Variants in KLF12 observed in about 807,000 individuals in gnomAD.
KLF12 encodes Krueppel-like factor 12.
KLF12 carries 9 observed loss-of-function variants against 37.8 expected under a neutral mutation model. That is an observed-to-expected ratio of 0.24 (90% CI 0.14 to 0.42). The LOEUF (loss-of-function observed/expected upper bound fraction) is 0.42, where lower values mean the gene tolerates loss of function less well. Among genes scored for constraint, KLF12 ranks in the 10% least tolerant of loss-of-function variants. The pLI, the probability that KLF12 is intolerant of heterozygous loss-of-function variation, is 1.00. For missense variants in KLF12, 411 were observed against 516.0 expected (o/e 0.80, Z 1.97); for synonymous variants, 208 against 202.1 (o/e 1.03, Z -0.25).
chr13:74,017,572 C>T (rs1327899306), intron 1 of KLF12, among the ~76,000 whole-genome samples: 2 of 139,814 alleles, frequency 1.4e-5, no homozygotes, highest in African/African-American at 5.3e-5. Context: ...CCCCACCCCC[C>T]AAAAAAAAAC....
chr13:74,271,275 G>A, the KLF12 span, among the ~76,000 whole-genome samples: 78 of 152,246 alleles, frequency 5.1e-4, no homozygotes, highest in African/African-American at 1.5e-3. Flanking sequence ...TGCTAAATTA[G>A]AATAACTTTC....
At chr13:74,289,402 A>G in the KLF12 span, among the ~76,000 whole-genome samples, 1 of 152,232 alleles carries the variant, frequency 6.6e-6, no homozygotes, top group Non-Finnish European at 1.5e-5. Context: ...CTTTAAGGAC[A>G]TGCAATAGTG....
intron 1 of KLF12, among the ~76,000 whole-genome samples, chr13:74,130,049 A>C (rs989416470): frequency 1.3e-5 from 2 of 152,226 alleles, no homozygotes; most frequent in African/African-American, 2.4e-5. Context: ...ACAGAGCCTA[A>C]GACTGTTGAC....
At chr13:73,788,258 T>A (rs1881472591) in intron 5 of KLF12, among the ~76,000 whole-genome samples, 2 of 152,228 alleles carry the variant, frequency 1.3e-5, no homozygotes. Flanking sequence ...GGAATTCACA[T>A]AAGTTTATTT....
the KLF12 span, among the ~76,000 whole-genome samples, chr13:74,143,533 G>A: frequency 2.0e-5 from 3 of 152,058 alleles, no homozygotes; most frequent in East Asian, 1.9e-4. Flanking sequence ...TTTAATCTTC[G>A]TGGAATCCTA....
the KLF12 span, among the ~76,000 whole-genome samples, chr13:74,290,507 A>G: frequency 2.0e-5 from 3 of 152,224 alleles, no homozygotes; most frequent in Non-Finnish European, 2.9e-5. Context: ...GTTAATTTGA[A>G]TAAGGCTGCT....
rs1879645688 is a variant in KLF12 at position 73,762,685 on chromosome 13, C to T, written c.869+2253G>A. On this transcript the variant is annotated intron_variant, in intron 6 of 7. Coordinates refer to ENST00000377669, the MANE Select transcript of KLF12 (RefSeq NM_007249.5). ...TTGACATGTAATCCTACAAATTACC[C>T]AGTTGATAGATGGGGGACAGCAACT... 3.3e-5 allele frequency among the ~76,000 whole-genome samples: 5 copies of T among 152,234 alleles called. No homozygotes were observed. The South Asian group carries it at 1.0e-3, about 32-fold the overall frequency.
upstream of KLF12, among the ~76,000 whole-genome samples, chr13:74,135,095 G>A (rs1432026259): frequency 6.6e-6 from 1 of 151,528 alleles, no homozygotes; most frequent in Non-Finnish European, 1.5e-5. Context: ...GCAGGCAGGG[G>A]AGTCATTGTT....
chr13:74,238,440 T>G, the KLF12 span, among the ~76,000 whole-genome samples: 3 of 138,890 alleles, frequency 2.2e-5, 1 homozygote, highest in African/African-American at 1.0e-4. Context: ...GGTATCAGCA[T>G]GATGCTGGCC....
intron 1 of KLF12, among the ~76,000 whole-genome samples, chr13:74,022,587 C>T (rs367957854): frequency 6.7e-4 from 99 of 147,632 alleles, no homozygotes; most frequent in African/African-American, 2.4e-3. Flanking sequence ...CTTTCATTCT[C>T]ATTTCCTTCA....
chr13:74,196,766 T>A, the KLF12 span, among the ~76,000 whole-genome samples: 1 of 152,186 alleles, frequency 6.6e-6, no homozygotes, highest in East Asian at 1.9e-4. Context: ...AGTTATACAA[T>A]GTGAATGTGC....
Position 73,758,843 on chromosome 13 carries a change from AT to A in KLF12, c.869+6094del, listed in dbSNP as rs1478071100. ...CAGCAGGAATATAGAAACTACTTTTATCATGAATCTCTCTTGCTGAAATTCT... is the reference window on the plus strand; with the variant it reads ...CAGCAGGAATATAGAAACTACTTTTACATGAATCTCTCTTGCTGAAATTCT... On this transcript the variant is annotated intron_variant, in intron 6 of 7. Coordinates refer to ENST00000377669, the MANE Select transcript of KLF12 (RefSeq NM_007249.5). Among the ~76,000 whole-genome samples the A allele has an allele frequency of 2.6e-5, 4 of 152,168 alleles. No individual in the cohort carries two copies. The South Asian group carries it at 8.3e-4, about 31-fold the overall frequency.
chr13:73,830,159 A>G (rs1258717119), intron 4 of KLF12, among the ~76,000 whole-genome samples: 1 of 152,218 alleles, frequency 6.6e-6, no homozygotes, highest in Non-Finnish European at 1.5e-5. Flanking sequence ...AGATTATACC[A>G]ATGGGCACAA....
the KLF12 span, among the ~76,000 whole-genome samples, chr13:74,142,169 A>C: frequency 1.7e-4 from 26 of 152,340 alleles, no homozygotes; most frequent in African/African-American, 6.0e-4. Flanking sequence ...CTAAGGCAAA[A>C]TGTGAATCAC....
the KLF12 span, among the ~76,000 whole-genome samples, chr13:74,298,741 G>A: frequency 4.6e-5 from 7 of 152,094 alleles, no homozygotes; most frequent in Middle Eastern, 3.4e-3. Context: ...TTAAAAATAC[G>A]GAAACATGGG....
intron 5 of KLF12, among the ~76,000 whole-genome samples, chr13:73,770,979 T>C (rs1211873728): frequency 3.3e-5 from 5 of 152,156 alleles, no homozygotes; most frequent in Admixed American, 6.5e-5. Flanking sequence ...AAAAAGAGCA[T>C]TTGGTGTGCA....
At chr13:73,993,132 C>T (rs1280993794) in intron 2 of KLF12, among the ~76,000 whole-genome samples, 1 of 152,162 alleles carries the variant, frequency 6.6e-6, no homozygotes, top group Non-Finnish European at 1.5e-5. Context: ...ACTTGGGAAG[C>T]TGAGGCAGGA....
At chr13:74,057,439 T>C (rs1023820730) in intron 1 of KLF12, among the ~76,000 whole-genome samples, 3 of 152,200 alleles carry the variant, frequency 2.0e-5, no homozygotes, top group Admixed American at 6.5e-5. Flanking sequence ...CAGCATGTAC[T>C]ACACTCTGAG....
intron 6 of KLF12, among the ~76,000 whole-genome samples, chr13:73,736,776 G>A (rs1287274592): frequency 6.6e-6 from 1 of 152,128 alleles, no homozygotes; most frequent in Non-Finnish European, 1.5e-5. Flanking sequence ...ATCAGTGCAA[G>A]TTCAGGTTTA....
Sources: gnomAD v4.1 joint callset for allele counts (sites outside exome capture counted in the v4.1 genomes callset) on GRCh38, gnomAD v4.1.1 for gene constraint, MANE v1.5 for transcripts, NCBI Gene and HGNC (gene_info 2026-07-23, HGNC 2026-07-21) for gene names.